The following ARHGAP15 variants were observed in gnomAD, a reference collection of about 807,000 sequenced individuals.
The protein encoded by ARHGAP15 is Rho GTPase activating protein 15.
Under a neutral mutation model 63.7 loss-of-function variants are expected in ARHGAP15, and 51 were observed. The ratio of observed to expected loss-of-function variants is 0.80; its 90% CI spans 0.64 to 1.01. The LOEUF is 1.01. Among genes scored for constraint, ARHGAP15 ranks in the 50% least tolerant of loss-of-function variants. ARHGAP15 has a pLI of 0.00. For missense variants in ARHGAP15, 560 were observed against 564.6 expected, an observed-to-expected ratio of 0.99 and a Z score of 0.08; for synonymous variants, 191 against 193.8, an observed-to-expected ratio of 0.99 and a Z score of 0.12.
intron 3 of ARHGAP15, among the ~76,000 whole-genome samples, chr2:143,208,422 T>C (rs930537567): frequency 6.6e-6 from 1 of 152,160 alleles, no homozygotes; most frequent in African/African-American, 2.4e-5. Context: ...TTTAAGAAAA[T>C]AGATTGTAAA....
chr2:143,689,287 T>A (rs963177760), intron 12 of ARHGAP15, among the ~76,000 whole-genome samples: 1 of 152,168 alleles, frequency 6.6e-6, no homozygotes, highest in African/African-American at 2.4e-5. Context: ...GTCATCTTAT[T>A]CTAGTGATCT....
intron 6 of ARHGAP15, among the ~76,000 whole-genome samples, chr2:143,353,167 T>C (rs1480427839): frequency 6.6e-6 from 1 of 152,154 alleles, no homozygotes; most frequent in African/African-American, 2.4e-5. Context: ...TGGCACATGT[T>C]TGTAGTTCCA....
intron 2 of ARHGAP15, among the ~76,000 whole-genome samples, chr2:143,167,711 C>A (rs1479104947): frequency 6.6e-6 from 1 of 152,120 alleles, no homozygotes; most frequent in African/African-American, 2.4e-5. Context: ...ACAATGACAA[C>A]TTCATGTTTA....
intron 2 of ARHGAP15, chr2:143,193,474 A>G (rs146069487): frequency 6.5e-6 from 1 of 152,762 alleles, no homozygotes; most frequent in African/African-American, 2.4e-5. Context: ...TCAGAACTAA[A>G]TCTGCTTTTT....
At chr2:143,179,224 A>C (rs1691129343) in intron 2 of ARHGAP15, among the ~76,000 whole-genome samples, 1 of 152,226 alleles carries the variant, frequency 6.6e-6, no homozygotes, top group Non-Finnish European at 1.5e-5. Context: ...AAAGCTAAAC[A>C]AACAAACAAA....
intron 13 of ARHGAP15, among the ~76,000 whole-genome samples, chr2:143,747,091 G>C (rs931591634): frequency 2.0e-5 from 3 of 152,012 alleles, no homozygotes; most frequent in African/African-American, 7.3e-5. Context: ...GGGGTGGGGA[G>C]AAAGGGGAGG....
chr2:143,562,702 A>G (rs1696081854), intron 11 of ARHGAP15, among the ~76,000 whole-genome samples: 1 of 152,212 alleles, frequency 6.6e-6, no homozygotes, highest in African/African-American at 2.4e-5. Context: ...AAACTTTCTT[A>G]GACCTCATTT....
intron 12 of ARHGAP15, among the ~76,000 whole-genome samples, chr2:143,682,329 T>C (rs1476895761): frequency 6.6e-6 from 1 of 151,722 alleles, no homozygotes; most frequent in African/African-American, 2.4e-5. Context: ...TATTGCAGGT[T>C]AAAAAAAGAT....
intron 13 of ARHGAP15, among the ~76,000 whole-genome samples, chr2:143,721,771 C>T (rs1685069885): frequency 6.6e-6 from 1 of 151,960 alleles, no homozygotes. Flanking sequence ...ACTGCAAGCT[C>T]CGCCTCCCGG....
intron 10 of ARHGAP15, among the ~76,000 whole-genome samples, chr2:143,532,889 T>C (rs1434878927): frequency 6.6e-6 from 1 of 152,188 alleles, no homozygotes; most frequent in African/African-American, 2.4e-5. Flanking sequence ...AAGTTTTAAA[T>C]TTCATACATT....
chr2:143,252,222 C>T (rs1680191322), intron 6 of ARHGAP15, among the ~76,000 whole-genome samples: 1 of 151,994 alleles, frequency 6.6e-6, no homozygotes, highest in African/African-American at 2.4e-5. Context: ...ATATTTGATG[C>T]ATACAGGGCT....
chr2:143,459,895 C>T (rs557694011), intron 8 of ARHGAP15, among the ~76,000 whole-genome samples: 27 of 152,078 alleles, frequency 1.8e-4, no homozygotes, highest in Non-Finnish European at 3.2e-4. Context: ...TTAGAATAAA[C>T]GTGCATAATG....
chr2:143,521,446 C>T (rs1020627169), intron 10 of ARHGAP15, among the ~76,000 whole-genome samples: 2 of 152,122 alleles, frequency 1.3e-5, no homozygotes, highest in Admixed American at 6.6e-5. Flanking sequence ...TGGCATAAAG[C>T]ATTTCAGGAC....
At chr2:143,663,834 G>C (rs1455604236) in intron 12 of ARHGAP15, among the ~76,000 whole-genome samples, 2 of 152,060 alleles carry the variant, frequency 1.3e-5, no homozygotes, top group Middle Eastern at 3.2e-3. Flanking sequence ...ATTACATAAT[G>C]GTAAAGGGAT....
intron 6 of ARHGAP15, among the ~76,000 whole-genome samples, chr2:143,416,360 C>T (rs1688678479): frequency 1.3e-5 from 2 of 152,178 alleles, no homozygotes. Context: ...AGCACTTTCT[C>T]TTTGCCAAAC....
chr2:143,658,372 T>C (rs1367581538), intron 12 of ARHGAP15, among the ~76,000 whole-genome samples: 2 of 152,230 alleles, frequency 1.3e-5, no homozygotes, highest in African/African-American at 4.8e-5. Context: ...CTCTTAACCA[T>C]TATGTTCATA....
chr2:143,557,023 A>G (rs1695832280), intron 11 of ARHGAP15, among the ~76,000 whole-genome samples: 1 of 152,176 alleles, frequency 6.6e-6, no homozygotes, highest in African/African-American at 2.4e-5. Context: ...GTGGAGCAAC[A>G]GGAACTCTCA....
At position 143,768,097 on chromosome 2, in the gene ARHGAP15, C is replaced by T. The variant is rs774873855; in HGVS notation, c.1353C>T (p.His451=). 4 of 1,613,708 alleles carry T rather than the reference C, an allele frequency of 2.5e-6. No homozygotes were observed. The East Asian group carries it at 8.9e-5, about 36-fold the overall frequency. ...ATGAAACAGGAAACATGGCGATCCA[C>T]ATGGTCTACCAGAACCAGATAGCTG... ...AENETGNMAI[H]MVYQNQIAEL... is the part of the protein sequence containing the mutation. Residue 451 remains histidine (H), a synonymous_variant, in exon 14 of 14, where the codon CAC becomes CAT. Coordinates refer to ENST00000295095, the MANE Select transcript of ARHGAP15 (RefSeq NM_018460.4).
At chr2:143,447,738 C>G (rs1326209766) in intron 8 of ARHGAP15, among the ~76,000 whole-genome samples, 2 of 152,116 alleles carry the variant, frequency 1.3e-5, no homozygotes, top group African/African-American at 4.8e-5. Flanking sequence ...TTTTTTAAAC[C>G]TCGTTTACTT....
Sources: allele counts gnomAD v4.1 joint callset (sites outside exome capture counted in the v4.1 genomes callset), GRCh38; gene constraint gnomAD v4.1.1; transcripts MANE v1.5; gene names NCBI Gene and HGNC (gene_info 2026-07-23, HGNC 2026-07-21).